The following HEATR6 variants were observed in gnomAD, a reference collection of about 807,000 sequenced individuals.
HEATR6 encodes the protein HEAT repeat containing 6, also known as HEAT repeat-containing protein 6.
Under a neutral mutation model 132.8 loss-of-function variants are expected in HEATR6, and 106 were observed. The ratio of observed to expected loss-of-function variants is 0.80; its 90% CI spans 0.68 to 0.94. The LOEUF (loss-of-function observed/expected upper bound fraction) is 0.94, where lower values mean the gene tolerates loss of function less well. Among genes scored for constraint, HEATR6 ranks in the 40% least tolerant of loss-of-function variants. The pLI is 0.00. For missense variants in HEATR6, 1,339 were observed against 1,425.1 expected (o/e 0.94, Z 0.97); for synonymous variants, 529 against 537.8 (o/e 0.98, Z 0.23).
intron 14 of HEATR6, 55 bp from the exon 15 acceptor site, chr17:60,051,032 T>G (rs1223905242): frequency 2.5e-6 from 4 of 1,596,938 alleles, no homozygotes; most frequent in Non-Finnish European, 2.6e-6. Context: ...GGGAACCAAC[T>G]TGGAGCTAAG....
rs749226724 is a variant in HEATR6 at position 60,074,098 on chromosome 17, T to C, written c.328-212A>G. 3.2e-6 allele frequency: 4 copies of C among 1,264,990 alleles called. No individual in the cohort carries two copies. The African/African-American group carries it at 6.1e-5, about 19-fold the overall frequency. 78.4% of individuals were successfully genotyped at this position (1,264,990 alleles called of 1,614,324 possible). A position where few individuals can be genotyped will look rare whatever the true frequency, so the allele number is the denominator to read the frequency against. ...AAGGTCTTGCTCACTTCTTCCTCTT[T>C]AGTAAAGTAGAACTTGATGAAGTCC... On this transcript the variant is annotated intron_variant, in intron 2 of 19. Coordinates refer to ENST00000184956, the MANE Select transcript of HEATR6 (RefSeq NM_022070.5).
chr17:60,045,986 A>G, intron 19 of HEATR6, 39 bp downstream of exon 19: 1 of 1,424,726 alleles, frequency 7.0e-7, no homozygotes, highest in Admixed American at 1.7e-5. Context: ...GTGTGTCCCA[A>G]GAGGCTTTCC....
Position 60,076,119 on chromosome 17 carries a change from T to A in HEATR6, c.327+11A>T. On this transcript the variant is annotated intron_variant, in intron 2 of 19. Coordinates refer to ENST00000184956, the MANE Select transcript of HEATR6 (RefSeq NM_022070.5). Reference sequence around the variant, plus strand: ...TCATGATCTGAATTCTAGAGTTACATACATGATTACCTGTAATCTGTTAAG... The same window carrying A: ...TCATGATCTGAATTCTAGAGTTACAAACATGATTACCTGTAATCTGTTAAG... 1.4e-6 allele frequency: 2 copies of A among 1,458,826 alleles called. No homozygotes were observed. The highest frequency in any genetic ancestry group is 1.9e-6 in the Non-Finnish European group (2 of 1,040,920). 90.4% of individuals were successfully genotyped at this position (1,458,826 alleles called of 1,614,324 possible).
chr17:60,049,923 A>T (rs895581856), intron 15 of HEATR6, among the ~76,000 whole-genome samples: 3 of 152,230 alleles, frequency 2.0e-5, no homozygotes, highest in African/African-American at 4.8e-5. Flanking sequence ...ATCACATTTA[A>T]CCTTTATTAA....
At position 60,042,445 on chromosome 17, in the gene HEATR6, G is replaced by A. The variant is rs1203268983; in HGVS notation, c.*1118C>T. Among the ~76,000 whole-genome samples the A allele has an allele frequency of 9.4e-5, 7 of 74,356 alleles. No individual in the cohort carries two copies. Among genetic ancestry groups the A allele is most frequent in the Non-Finnish European group, 1.4e-4 (6 of 41,842 alleles). The allele number at this position is 74,356 out of a possible 152,430, so 48.8% of individuals were successfully genotyped here. A position where few individuals can be genotyped will look rare whatever the true frequency, so the allele number is the denominator to read the frequency against. On this transcript the variant is annotated 3_prime_UTR_variant, in exon 20 of 20. Transcript: ENST00000184956. ...CAGCATCCTCGCGTCCTGTGCGGCT[G>A]TGAGGCACTGTCAGCATCCTCGCGT...
chr17:60,042,343 C>T lies in HEATR6; in HGVS notation c.*1220G>A, dbSNP rs575818146. Among the ~76,000 whole-genome samples the T allele has an allele frequency of 2.9e-3, 432 of 150,486 alleles. 3 individuals carry two copies. Among genetic ancestry groups the T allele is most frequent in the African/African-American group, 5.8e-3 (236 of 40,898 alleles). Reference sequence around the variant, plus strand: ...CAGCAGCTCATCAGCTGTGAGGCACCGTCAGCATCCTTGCGTCCTGTGTGG... The same window carrying T: ...CAGCAGCTCATCAGCTGTGAGGCACTGTCAGCATCCTTGCGTCCTGTGTGG... On this transcript the variant is annotated 3_prime_UTR_variant, in exon 20 of 20. Coordinates refer to ENST00000184956, the MANE Select transcript of HEATR6 (RefSeq NM_022070.5).
chr17:60,051,068 C>T (rs1389737732), intron 14 of HEATR6, 91 bp from the exon 15 acceptor site: 2 of 1,378,438 alleles, frequency 1.5e-6, no homozygotes, highest in Admixed American at 2.1e-5. Flanking sequence ...CTTAGTGAAA[C>T]ATTTTCCCTT....
chr17:60,044,726 T>A (rs570561036), intron 19 of HEATR6, among the ~76,000 whole-genome samples: 1 of 152,324 alleles, frequency 6.6e-6, no homozygotes, highest in East Asian at 1.9e-4. Context: ...TGCTACCCAC[T>A]CCACTTTGGG....
At chr17:60,057,979 T>C (rs1030091981) in intron 11 of HEATR6, among the ~76,000 whole-genome samples, 8 of 152,222 alleles carry the variant, frequency 5.3e-5, no homozygotes, top group African/African-American at 1.9e-4. Flanking sequence ...TGTTTGTCTC[T>C]TCCTTGGCCA....
chr17:60,044,405 T>G (rs1906293944), intron 19 of HEATR6, among the ~76,000 whole-genome samples: 1 of 152,138 alleles, frequency 6.6e-6, no homozygotes, highest in South Asian at 2.1e-4. Flanking sequence ...AAGCCTTTGG[T>G]GACTCAGAAA....
chr17:60,043,840 C>A lies in HEATR6; in HGVS notation c.3269G>T (p.Cys1090Phe), dbSNP rs1568599412. Residue 1090 changes from cysteine (C) to phenylalanine (F), a missense_variant, in exon 20 of 20, where the codon TGT becomes TTT. By Grantham distance (205) the Cys-to-Phe change is radical (BLOSUM62 -2). Coordinates refer to ENST00000184956, the MANE Select transcript of HEATR6 (RefSeq NM_022070.5). Reference sequence around the variant, plus strand: ...ACTCAGTTCAAGGGTTTCTTTCATACAAGGGAGGTCCGAGGCACTGGCCAA... The same window carrying A: ...ACTCAGTTCAAGGGTTTCTTTCATAAAAGGGAGGTCCGAGGCACTGGCCAA... ...LSLASASDLPCMKETLELSGN... is the reference protein window; with the variant it reads ...LSLASASDLPFMKETLELSGN... 11 of 1,614,178 alleles carry A rather than the reference C, an allele frequency of 6.8e-6. No individual in the cohort carries two copies. The highest frequency in any genetic ancestry group is 6.6e-5 in the South Asian group (6 of 91,078).
At chr17:60,047,504 G>T in intron 17 of HEATR6, 99 bp from the exon 18 acceptor site, 1 of 538,468 alleles carries the variant, frequency 1.9e-6, no homozygotes. Flanking sequence ...AAAAGTTTAG[G>T]AAAACAGTTT....
Position 60,057,511 on chromosome 17 carries a change from T to C in HEATR6, c.1724-108A>G, listed in dbSNP as rs1026292789. 5 of 702,390 alleles carry C rather than the reference T, an allele frequency of 7.1e-6. No homozygotes were observed. The African/African-American group carries it at 8.9e-5, about 13-fold the overall frequency. The allele number at this position is 702,390 out of a possible 1,614,324, so 43.5% of individuals were successfully genotyped here. On this transcript the variant is annotated intron_variant, in intron 11 of 19. Coordinates refer to ENST00000184956, the MANE Select transcript of HEATR6 (RefSeq NM_022070.5). ...TTAGTAGTTCCTTGTGTAACCTGAA[T>C]CTAATCAAACTTCTAGACCTCATTT...
chr17:60,059,560 T>C, intron 10 of HEATR6, 39 bp from the exon 11 acceptor site: 1 of 1,381,530 alleles, frequency 7.2e-7, no homozygotes, highest in South Asian at 1.2e-5. Flanking sequence ...AAGGCTTGAT[T>C]AAACCACAGC....
chr17:60,062,593 G>A (rs1412872699), intron 9 of HEATR6, among the ~76,000 whole-genome samples: 1 of 152,156 alleles, frequency 6.6e-6, no homozygotes, highest in Non-Finnish European at 1.5e-5. Context: ...GTCCCTGCTG[G>A]GAGTAGGTAC....
intron 1 of HEATR6, 81 bp from the exon 2 acceptor site, chr17:60,076,318 A>G (rs2083296586): frequency 1.4e-6 from 1 of 710,336 alleles, no homozygotes; most frequent in Admixed American, 2.7e-5. Context: ...TGGGAAAATA[A>G]AAGTAAATAT....
intron 7 of HEATR6, among the ~76,000 whole-genome samples, chr17:60,068,165 T>C (rs977284773): frequency 2.6e-5 from 4 of 152,204 alleles, no homozygotes; most frequent in African/African-American, 9.6e-5. Flanking sequence ...TGAGTGTCTA[T>C]TTTATCAGTT....
At position 60,048,986 on chromosome 17, in the gene HEATR6, ATAT is replaced by A. The variant is rs1906476032; in HGVS notation, c.2547+591_2547+593del. Among the ~76,000 whole-genome samples the A allele has an allele frequency of 5.1e-4, 20 of 39,412 alleles. No homozygotes were observed. The Admixed American group carries it at 5.3e-3, about 10-fold the overall frequency. The allele number at this position is 39,412 out of a possible 152,430, so 25.9% of individuals were successfully genotyped here. A position where few individuals can be genotyped will look rare whatever the true frequency, so the allele number is the denominator to read the frequency against. On this transcript the variant is annotated intron_variant, in intron 16 of 19. Coordinates refer to ENST00000184956, the MANE Select transcript of HEATR6 (RefSeq NM_022070.5). ...AAAATAAATAACATATATATATAAT[ATAT>A]ATATATATATATATATATATATATA... is the stretch of plus-strand genomic sequence containing the variant.
chr17:60,062,475 ACTT>A (rs2083217275), intron 9 of HEATR6, among the ~76,000 whole-genome samples: 3 of 152,246 alleles, frequency 2.0e-5, no homozygotes, highest in South Asian at 4.1e-4. Context: ...CTTTTTTGCT[ACTT>A]AAGAACGTAG....
Sources: gnomAD v4.1 joint callset for allele counts (sites outside exome capture counted in the v4.1 genomes callset) on GRCh38, gnomAD v4.1.1 for gene constraint, MANE v1.5 for transcripts, NCBI Gene and HGNC (gene_info 2026-07-23, HGNC 2026-07-21) for gene names.